Variants in KLHL26 observed in about 807,000 individuals in gnomAD.
The protein encoded by KLHL26 is kelch like family member 26, also known as kelch-like protein 26.
A neutral mutation model predicts 7.1 loss-of-function variants in KLHL26; 4 were observed. The observed-to-expected ratio is 0.56, with a 90% CI of 0.28 to 1.28. KLHL26 has a LOEUF of 1.28. KLHL26 is among the 50% of genes most tolerant of loss of function. The probability of loss-of-function intolerance (pLI) is 0.11; values close to 1 mark genes in which losing one functional copy is unlikely to be tolerated. For synonymous variants in KLHL26, 465 were observed against 414.1 expected, an observed-to-expected ratio of 1.12 and a Z score of -1.49; for missense variants, 896 against 924.6, an observed-to-expected ratio of 0.97 and a Z score of 0.40.
chr19:18,640,551 ATTTTTTTTTT>A (rs56247740), intron 1 of KLHL26, among the ~76,000 whole-genome samples: 1 of 96,656 alleles, frequency 1.0e-5, no homozygotes, highest in African/African-American at 4.4e-5. Flanking sequence ...CTATGTTTTA[ATTTTTTTTTT>A]TTTTTTTTTT....
intron 1 of KLHL26, among the ~76,000 whole-genome samples, chr19:18,651,082 G>A (rs373681086): frequency 1.3e-5 from 2 of 152,162 alleles, no homozygotes; most frequent in African/African-American, 2.4e-5. Flanking sequence ...TTAAAGACTC[G>A]AAGTTCACAT....
At chr19:18,644,205 G>A (rs1213477058) in intron 1 of KLHL26, among the ~76,000 whole-genome samples, 2 of 152,190 alleles carry the variant, frequency 1.3e-5, no homozygotes, top group African/African-American at 2.4e-5. Context: ...ATGATGCTTT[G>A]GGGGTCATGC....
intron 2 of KLHL26, among the ~76,000 whole-genome samples, chr19:18,665,887 G>A (rs1382312441): frequency 1.3e-5 from 2 of 152,160 alleles, no homozygotes; most frequent in East Asian, 1.9e-4. Flanking sequence ...CACATTCCCC[G>A]AGGCCCGGGC....
chr19:18,668,576 G>A lies in KLHL26; in HGVS notation c.1179G>A (p.Trp393Ter), dbSNP rs1265415401. Residue 393 changes from tryptophan (W) to a stop codon, truncating the protein, a stop_gained, in exon 3 of 3, where the codon TGG becomes TGA. Coordinates refer to ENST00000300976, the MANE Select transcript of KLHL26 (RefSeq NM_018316.3). LOFTEE classifies it low-confidence loss of function (END_TRUNC). ...GCTACGACCCCCACCTGAATCGCTG[G>A]CTGCGCCTGCAGGCCATGCAGGAAA... ...CYRYDPHLNR[W>*]LRLQAMQESR... is the part of the protein sequence containing the mutation. 1 of 1,591,714 alleles carries A rather than the reference G, an allele frequency of 6.3e-7. No individual in the cohort carries two copies. The highest frequency in any genetic ancestry group is 1.1e-5 in the South Asian group (1 of 90,426).
At chr19:18,659,110 C>G (rs2052365824) in intron 1 of KLHL26, among the ~76,000 whole-genome samples, 1 of 152,022 alleles carries the variant, frequency 6.6e-6, no homozygotes, top group Non-Finnish European at 1.5e-5. Flanking sequence ...CCACTTCTCT[C>G]TGGGTCCTGT....
In KLHL26 at chr19:18,669,224, C is replaced by G; in HGVS notation, c.1827C>G (p.Pro609=). The part of the protein sequence containing the change: ...AGIACAPVLL[P]RAGTRR ...TAGCCTGCGCCCCCGTCCTGCTGCC[C>G]CGGGCCGGGACCAGGAGGTAGCCCC... The change falls in exon 3 of 3, where the codon CCC becomes CCG. Residue 609 remains proline (P), a synonymous_variant. Coordinates refer to ENST00000300976, the MANE Select transcript of KLHL26 (RefSeq NM_018316.3). 6.2e-7 allele frequency: 1 copy of G among 1,610,612 alleles called. No homozygotes were observed.
chr19:18,643,753 C>T (rs1976755770), intron 1 of KLHL26, among the ~76,000 whole-genome samples: 2 of 152,086 alleles, frequency 1.3e-5, no homozygotes, highest in South Asian at 4.1e-4. Context: ...GCTGCGATTA[C>T]AGGCATGAGC....
At position 18,646,779 on chromosome 19, in the gene KLHL26, G is replaced by A. The variant is rs991260650; in HGVS notation, c.83+9642G>A. ...GCCAGCAAGCCTTGATGTGGCGTGC[G>A]TGTGTCAGGCAGGGAAAGGAGAGGG... On this transcript the variant is annotated intron_variant, in intron 1 of 2. Coordinates refer to ENST00000300976, the MANE Select transcript of KLHL26 (RefSeq NM_018316.3). The surrounding 1 kb of genome is among the most constrained non-coding windows in gnomAD (Gnocchi z 5.0). Among the ~76,000 whole-genome samples, 1 of 152,348 alleles carries A rather than the reference G, an allele frequency of 6.6e-6. No individual in the cohort carries two copies. Among genetic ancestry groups the A allele is most frequent in the African/African-American group, 2.4e-5 (1 of 41,582 alleles).
chr19:18,649,465 C>G lies in KLHL26; in HGVS notation c.83+12328C>G, dbSNP rs1436861473. ...GTGTGGGCGGAGAAGCAGAAATTCA[C>G]AGGCATGTTGTCAGTAAACCAGCCC... is the stretch of plus-strand genomic sequence containing the variant. On this transcript the variant is annotated intron_variant, in intron 1 of 2. Transcript: ENST00000300976. This position sits in a 1 kb window ranked among gnomAD's most constrained non-coding sequence, Gnocchi z 4.0. Among the ~76,000 whole-genome samples the G allele has an allele frequency of 1.3e-5, 2 of 152,236 alleles. No homozygotes were observed. The highest frequency in any genetic ancestry group is 4.8e-5 in the African/African-American group (2 of 41,464).
chr19:18,645,053 G>A (rs936938609), intron 1 of KLHL26, among the ~76,000 whole-genome samples: 21 of 152,168 alleles, frequency 1.4e-4, no homozygotes, highest in Non-Finnish European at 2.6e-4. Context: ...CAAAAAACCC[G>A]TTGCCTAGTA....
rs201261086 is a variant in KLHL26, at chr19:18,669,004, C to G, written c.1607C>G (p.Thr536Arg). Reference protein sequence around the residue: ...VLAVEYYVPETDQWTSVSPMR... With the variant: ...VLAVEYYVPERDQWTSVSPMR... ...GCTGTGGAGTACTATGTGCCGGAGA[C>G]GGACCAGTGGACCAGCGTGAGCCCC... Residue 536 changes from threonine (T) to arginine (R), a missense_variant, in exon 3 of 3, where the codon ACG becomes AGG. Thr to Arg is a moderately conservative substitution (Grantham distance 71, BLOSUM62 -1). Transcript: ENST00000300976. 5.0e-6 allele frequency: 8 copies of G among 1,612,668 alleles called. No individual in the cohort carries two copies. In the East Asian group the frequency reaches 1.3e-4, roughly 27 times the overall value.
rs1976858742 is a variant in KLHL26 at position 18,649,280 on chromosome 19, C to T, written c.83+12143C>T. On this transcript the variant is annotated intron_variant, in intron 1 of 2. Coordinates refer to ENST00000300976, the MANE Select transcript of KLHL26 (RefSeq NM_018316.3). The surrounding 1 kb of genome is among the most constrained non-coding windows in gnomAD (Gnocchi z 4.0). ...GGTGGTCCTGGCGCTGGCACAGCTA[C>T]TGGCACGGGATGGATGCTTTTGAGT... is the stretch of plus-strand genomic sequence containing the variant. Among the ~76,000 whole-genome samples, 1 of 152,214 alleles carries T rather than the reference C, an allele frequency of 6.6e-6. No homozygotes were observed. The highest frequency in any genetic ancestry group is 1.5e-5 in the Non-Finnish European group (1 of 68,046).
intron 2 of KLHL26, among the ~76,000 whole-genome samples, chr19:18,666,027 G>T (rs1478881679): frequency 6.6e-6 from 1 of 152,228 alleles, no homozygotes; most frequent in Non-Finnish European, 1.5e-5. Context: ...CCCTTTAAAG[G>T]CTCCCCTGTG....
intron 1 of KLHL26, among the ~76,000 whole-genome samples, chr19:18,661,342 GTTCCTCA>G (rs1568461232): frequency 8.5e-5 from 13 of 152,168 alleles, no homozygotes; most frequent in African/African-American, 3.1e-4. Flanking sequence ...CTGGTTTCCT[GTTCCTCA>G]GTCATCAGAG....
chr19:18,657,123 T>C (rs1452040006), intron 1 of KLHL26, among the ~76,000 whole-genome samples: 50 of 134,442 alleles, frequency 3.7e-4, no homozygotes, highest in African/African-American at 1.3e-3. Context: ...CTCTGTCCCT[T>C]TGTCTCTGGG....
At chr19:18,657,839 T>A (rs2052349781) in intron 1 of KLHL26, among the ~76,000 whole-genome samples, 1 of 152,186 alleles carries the variant, frequency 6.6e-6, no homozygotes, top group Non-Finnish European at 1.5e-5. Flanking sequence ...CGGCCGGGCC[T>A]CAGGGGCCTC....
intron 1 of KLHL26, among the ~76,000 whole-genome samples, chr19:18,655,878 C>A (rs1227663243): frequency 6.6e-6 from 1 of 152,172 alleles, no homozygotes. Context: ...CAGAGCCCCA[C>A]ACATCCTGGA....
chr19:18,665,440 C>T (rs1463067207), intron 2 of KLHL26, among the ~76,000 whole-genome samples: 2 of 152,238 alleles, frequency 1.3e-5, no homozygotes, highest in African/African-American at 2.4e-5. Flanking sequence ...GAAATGGGCA[C>T]AAGCCCCTGC....
intron 1 of KLHL26, among the ~76,000 whole-genome samples, chr19:18,662,626 G>A (rs777254249): frequency 4.6e-5 from 7 of 152,188 alleles, no homozygotes; most frequent in Non-Finnish European, 8.8e-5. Context: ...GCAGGGTGTC[G>A]GTGAGAGGGC....
Sources: gnomAD v4.1 joint callset for allele counts (sites outside exome capture counted in the v4.1 genomes callset) on GRCh38, gnomAD v4.1.1 for gene constraint, Gnocchi (gnomAD v3.1) non-coding constraint, MANE v1.5 for transcripts, NCBI Gene and HGNC (gene_info 2026-07-23, HGNC 2026-07-21) for gene names.